Variants in PCDHA8 observed in about 807,000 individuals in gnomAD.
The protein encoded by PCDHA8 is protocadherin alpha 8.
In PCDHA8, 53 loss-of-function variants were observed where a neutral mutation model predicts 61.8. The ratio of observed to expected loss-of-function variants is 0.86; its 90% CI spans 0.69 to 1.08. PCDHA8 has a LOEUF of 1.08. PCDHA8 is among the 50% of genes least tolerant of loss of function. The pLI is 0.00. For synonymous variants in PCDHA8, 618 were observed against 556.6 expected (o/e 1.11, Z -1.55); for missense variants, 1,293 against 1,245.0 (o/e 1.04, Z -0.58).
chr5:141,004,461 A>C (rs1160733381), intron 3 of PCDHA8, among the ~76,000 whole-genome samples: 1 of 152,216 alleles, frequency 6.6e-6, no homozygotes, highest in Non-Finnish European at 1.5e-5. Context: ...CAGGAAGCTC[A>C]GTGACATGTT....
chr5:140,870,852 G>A lies in PCDHA8; in HGVS notation c.2394+27137G>A, dbSNP rs782301779. 4.3e-6 allele frequency: 7 copies of A among 1,613,862 alleles called. No individual in the cohort carries two copies. In the Admixed American group the frequency reaches 1.0e-4, roughly 23 times the overall value. ...CAGTTAACAAGCTAGTACCGCGGTCGGTGGGTGCGGGCCACGTGGTGGCGA... is the reference window on the plus strand; with the variant it reads ...CAGTTAACAAGCTAGTACCGCGGTCAGTGGGTGCGGGCCACGTGGTGGCGA... On this transcript the variant is annotated intron_variant, in intron 1 of 3. Transcript: ENST00000531613.
At chr5:140,870,909 C>T (rs2052531275) in intron 1 of PCDHA8, 1 of 1,613,956 alleles carries the variant, frequency 6.2e-7, no homozygotes, top group East Asian at 2.2e-5. Flanking sequence ...ACTCAGGCTA[C>T]AACGCGTGGC....
At position 140,912,557 on chromosome 5, in the gene PCDHA8, A is replaced by T. The variant is rs1220242152; in HGVS notation, c.2395-66392A>T. On this transcript the variant is annotated intron_variant, in intron 1 of 3. Transcript: ENST00000531613. ...GATCATATTGTCAGCAAACAGCAAC[A>T]GTTTTAACTTCCTCTTTTCCAATTT... Among the ~76,000 whole-genome samples the T allele has an allele frequency of 4.6e-5, 7 of 152,154 alleles. No individual in the cohort carries two copies. The South Asian group carries it at 1.5e-3, about 32-fold the overall frequency.
At chr5:140,875,888 A>G (rs782107591) in intron 1 of PCDHA8, 3 of 1,614,076 alleles carry the variant, frequency 1.9e-6, no homozygotes, top group Non-Finnish European at 2.5e-6. Context: ...AGGGAACAAA[A>G]GGTACCTGTT....
At chr5:140,917,047 G>A (rs183820401) in intron 1 of PCDHA8, among the ~76,000 whole-genome samples, 11 of 152,262 alleles carry the variant, frequency 7.2e-5, no homozygotes, top group Admixed American at 5.2e-4. Context: ...GCACAGTGTT[G>A]TTCCCTGCTA....
intron 1 of PCDHA8, among the ~76,000 whole-genome samples, chr5:140,908,097 G>A (rs184366035): frequency 2.6e-5 from 4 of 152,212 alleles, no homozygotes; most frequent in African/African-American, 9.6e-5. Flanking sequence ...ACTGATTGAA[G>A]TTCTGTCCAC....
chr5:140,981,888 G>A (rs1554243508), intron 2 of PCDHA8, among the ~76,000 whole-genome samples: 1 of 152,140 alleles, frequency 6.6e-6, no homozygotes, highest in Non-Finnish European at 1.5e-5. Flanking sequence ...AATCTCTTCT[G>A]AGCGGGGATC....
At chr5:140,862,916 G>T (rs1581662111) in intron 1 of PCDHA8, 1 of 547,888 alleles carries the variant, frequency 1.8e-6, no homozygotes, top group Non-Finnish European at 3.5e-6. Context: ...CTGGCGCCTT[G>T]GGTGGGCTGG....
chr5:140,882,120 C>G, intron 1 of PCDHA8: 4 of 1,448,936 alleles, frequency 2.8e-6, no homozygotes. Flanking sequence ...GCCGCCGTTT[C>G]TTTCTTCCTG....
intron 1 of PCDHA8, among the ~76,000 whole-genome samples, chr5:140,895,474 C>T (rs947771616): frequency 2.1e-4 from 32 of 152,154 alleles, no homozygotes; most frequent in African/African-American, 7.0e-4. Flanking sequence ...TTATCCTCTT[C>T]GGAGAAATAC....
At chr5:140,895,116 T>C (rs2064856298) in intron 1 of PCDHA8, among the ~76,000 whole-genome samples, 1 of 152,182 alleles carries the variant, frequency 6.6e-6, no homozygotes, top group African/African-American at 2.4e-5. Flanking sequence ...AAGAAGACAT[T>C]TGTTAGTTGA....
intron 3 of PCDHA8, among the ~76,000 whole-genome samples, chr5:140,994,387 C>T (rs192635308): frequency 1.3e-5 from 2 of 152,174 alleles, no homozygotes; most frequent in East Asian, 1.9e-4. Context: ...GGGACTAAGT[C>T]AGAGATTATT....
At chr5:140,893,593 T>C (rs1433494751) in intron 1 of PCDHA8, among the ~76,000 whole-genome samples, 5 of 152,244 alleles carry the variant, frequency 3.3e-5, no homozygotes, top group African/African-American at 1.2e-4. Context: ...TGGGAAATAC[T>C]TTATTTCTCC....
At chr5:140,955,397 A>T (rs1470827673) in intron 1 of PCDHA8, among the ~76,000 whole-genome samples, 19 of 152,128 alleles carry the variant, frequency 1.2e-4, no homozygotes, top group Admixed American at 1.1e-3. Context: ...CAATTATCCC[A>T]TACAGTTCTC....
chr5:140,853,445 A>G, intron 1 of PCDHA8: 1 of 981,870 alleles, frequency 1.0e-6, no homozygotes, highest in Non-Finnish European at 1.2e-6. Flanking sequence ...ATTTTGCCTA[A>G]TAGGTCTCCT....
In PCDHA8 at chr5:141,011,722, G is replaced by T. The variant is rs1229946779; in HGVS notation, c.*1785G>T. On this transcript the variant is annotated 3_prime_UTR_variant, in exon 4 of 4. Transcript: ENST00000531613. Reference sequence around the variant, plus strand: ...TGAATACTGACAATATTCCATGAGGGTGTGCAAGCACAAATTTTACCAATC... The same window carrying T: ...TGAATACTGACAATATTCCATGAGGTTGTGCAAGCACAAATTTTACCAATC... The T allele has an allele frequency of 6.5e-6, 1 of 153,690 alleles. No homozygotes were observed. The highest frequency in any genetic ancestry group is 1.5e-5 in the Non-Finnish European group (1 of 68,018). 9.5% of individuals were successfully genotyped at this position (153,690 alleles called of 1,614,324 possible).
chr5:140,875,529 G>T (rs369713851), intron 1 of PCDHA8: 5 of 1,613,994 alleles, frequency 3.1e-6, no homozygotes, highest in Admixed American at 1.7e-5. Context: ...TCTCGCTTCT[G>T]CTCCTTGCAG....
In PCDHA8 at chr5:140,852,257, T is replaced by C. The variant is rs1417638818; in HGVS notation, c.2394+8542T>C. 5.9e-6 allele frequency: 3 copies of C among 512,112 alleles called. No individual in the cohort carries two copies. The African/African-American group carries it at 6.3e-5, about 11-fold the overall frequency. 31.7% of individuals were successfully genotyped at this position (512,112 alleles called of 1,614,324 possible). A position where few individuals can be genotyped will look rare whatever the true frequency, so the allele number is the denominator to read the frequency against. On this transcript the variant is annotated intron_variant, in intron 1 of 3. Coordinates refer to ENST00000531613, the MANE Select transcript of PCDHA8 (RefSeq NM_018911.3). ...TCCCTTAAAACACACTTTTGGAATA[T>C]GCTACAATATTACATGTTTTTTGTC...
intron 1 of PCDHA8, chr5:140,884,066 G>T (rs2059975136): frequency 6.2e-7 from 1 of 1,613,514 alleles, no homozygotes; most frequent in Non-Finnish European, 8.5e-7. Context: ...GGTGGACGCC[G>T]ATTCGGGCTA....
Sources: allele counts gnomAD v4.1 joint callset (sites outside exome capture counted in the v4.1 genomes callset), GRCh38; gene constraint gnomAD v4.1.1; transcripts MANE v1.5; gene names NCBI Gene and HGNC (gene_info 2026-07-23, HGNC 2026-07-21).